DNAJC13: variants seen among roughly 807,000 people sequenced by gnomAD.
DNAJC13 encodes the protein dnaJ homolog subfamily C member 13.
In DNAJC13, 75 loss-of-function variants were observed where a neutral mutation model predicts 290.5. The ratio of observed to expected loss-of-function variants is 0.26; its 90% CI spans 0.21 to 0.31. The LOEUF (loss-of-function observed/expected upper bound fraction) is 0.31, where lower values mean the gene tolerates loss of function less well. DNAJC13 is among the 10% of genes least tolerant of loss of function. The pLI, the probability that DNAJC13 is intolerant of heterozygous loss-of-function variation, is 1.00. For synonymous variants in DNAJC13, 862 were observed against 892.0 expected (o/e 0.97, Z 0.60); for missense variants, 2,260 against 2,674.5 (o/e 0.85, Z 3.42).
At chr3:132,454,749 G>T (rs1374049652) in intron 9 of DNAJC13, among the ~76,000 whole-genome samples, 1 of 151,602 alleles carries the variant, frequency 6.6e-6, no homozygotes, top group Non-Finnish European at 1.5e-5. Context: ...GTTAAGCAAT[G>T]GTTATGTTTT....
chr3:132,485,150 AT>A (rs959955922), intron 29 of DNAJC13, among the ~76,000 whole-genome samples: 4 of 151,016 alleles, frequency 2.6e-5, no homozygotes, highest in Non-Finnish European at 5.9e-5. Flanking sequence ...ATTTTTTTTT[AT>A]TTTTTTGAGA....
chr3:132,421,598 AT>A (rs879378484), intron 1 of DNAJC13, among the ~76,000 whole-genome samples: 3,149 of 143,222 alleles, frequency 0.022, 99 homozygotes, highest in African/African-American at 0.073. Context: ...TGCTGGGCTG[AT>A]TTTTTTTTTT....
At chr3:132,466,453 G>A in intron 19 of DNAJC13, 59 bp downstream of exon 19, 2 of 1,348,680 alleles carry the variant, frequency 1.5e-6, no homozygotes, top group Admixed American at 2.7e-5. Context: ...TTATATATAT[G>A]TCTTTTTTTG....
In DNAJC13 at chr3:132,537,308, T is replaced by C. The variant is rs74732487; in HGVS notation, c.6626-868T>C. 4.6e-3 allele frequency: 2,055 copies of C among 449,452 alleles called. 15 individuals are homozygous for C. Among genetic ancestry groups the C allele is most frequent in the Non-Finnish European group, 7.3e-3 (1,625 of 222,456 alleles). The allele number at this position is 449,452 out of a possible 1,614,324, so 27.8% of individuals were successfully genotyped here. ...CTAAATGCATGCCGCTCCCACTGCC[T>C]TTCTAGTCCTAACCCTCAATGTTCC... On this transcript the variant is annotated intron_variant, in intron 55 of 55. Coordinates refer to ENST00000260818, the MANE Select transcript of DNAJC13 (RefSeq NM_015268.4).
intron 19 of DNAJC13, 34 bp from the exon 20 acceptor site, chr3:132,467,136 C>A: frequency 6.3e-7 from 1 of 1,583,628 alleles, no homozygotes; most frequent in Non-Finnish European, 8.6e-7. Flanking sequence ...AATTTGCAAA[C>A]AGGCATGTAA....
chr3:132,448,469 T>C (rs1933322628), intron 5 of DNAJC13, among the ~76,000 whole-genome samples: 1 of 152,152 alleles, frequency 6.6e-6, no homozygotes, highest in Admixed American at 6.5e-5. Flanking sequence ...TCCCAGGCCT[T>C]TTCCAGTAAT....
At chr3:132,480,536 A>G (rs1934633331) in intron 26 of DNAJC13, 66 bp downstream of exon 26, 1 of 1,178,830 alleles carries the variant, frequency 8.5e-7, no homozygotes, top group South Asian at 1.3e-5. Flanking sequence ...AGGCAAAAGA[A>G]TCATAGAAAT....
intron 55 of DNAJC13, among the ~76,000 whole-genome samples, chr3:132,533,606 G>GT (rs1384610624): frequency 6.6e-6 from 1 of 151,912 alleles, no homozygotes; most frequent in East Asian, 1.9e-4. Context: ...CACCCGCCTG[G>GT]TACTCCCAAA....
chr3:132,450,049 A>G (rs1407822894), intron 5 of DNAJC13, among the ~76,000 whole-genome samples: 1 of 152,164 alleles, frequency 6.6e-6, no homozygotes. Context: ...TTGTGAAGGA[A>G]TATTATCTAA....
chr3:132,423,903 T>A (rs1199976333), intron 1 of DNAJC13, among the ~76,000 whole-genome samples: 1 of 152,204 alleles, frequency 6.6e-6, no homozygotes, highest in Non-Finnish European at 1.5e-5. Context: ...ATATGGCTGC[T>A]AAAAATTTCT....
At chr3:132,434,509 C>T (rs1939327913) in intron 1 of DNAJC13, 29 bp from the exon 2 acceptor site, 2 of 1,498,820 alleles carry the variant, frequency 1.3e-6, no homozygotes, top group Non-Finnish European at 9.2e-7. Context: ...ATAACATGTA[C>T]TAAGTGCCCT....
intron 29 of DNAJC13, among the ~76,000 whole-genome samples, chr3:132,486,082 C>CTT (rs758049804): frequency 0.035 from 1,413 of 40,498 alleles, 296 homozygotes; most frequent in African/African-American, 0.066. Flanking sequence ...ATGCCCTATC[C>CTT]TTTTTTTTTT....
chr3:132,487,578 T>TTTTTTTTTTTTTTTTTTTTTTTTTTTG (rs1283482666), intron 29 of DNAJC13, among the ~76,000 whole-genome samples: 1 of 150,600 alleles, frequency 6.6e-6, no homozygotes, highest in African/African-American at 2.5e-5. Context: ...TTTTTTTTTT[T>TTTTTTTTTTTTTTTTTTTTTTTTTTTG]TACTGGGAGC....
intron 31 of DNAJC13, among the ~76,000 whole-genome samples, chr3:132,489,796 C>T (rs1040071453): frequency 6.6e-6 from 1 of 152,052 alleles, no homozygotes; most frequent in Non-Finnish European, 1.5e-5. Context: ...ATGCCCATGG[C>T]AGCATAATTT....
intron 42 of DNAJC13, among the ~76,000 whole-genome samples, 167 bp from the exon 43 acceptor site, chr3:132,507,070 G>A (rs1282730319): frequency 3.3e-5 from 5 of 152,148 alleles, no homozygotes. Context: ...AAATTATAAT[G>A]TAATTGTATG....
intron 2 of DNAJC13, among the ~76,000 whole-genome samples, chr3:132,441,810 A>G (rs1933078168): frequency 6.6e-6 from 1 of 152,190 alleles, no homozygotes; most frequent in Non-Finnish European, 1.5e-5. Context: ...TAACTTTGAG[A>G]CAGTGACAAG....
At chr3:132,472,850 A>T (rs1293021215) in intron 20 of DNAJC13, among the ~76,000 whole-genome samples, 2 of 152,244 alleles carry the variant, frequency 1.3e-5, no homozygotes, top group Non-Finnish European at 1.5e-5. Context: ...TGACTATTTT[A>T]AATTTTATTA....
intron 2 of DNAJC13, among the ~76,000 whole-genome samples, chr3:132,445,807 T>G (rs1933228364): frequency 6.6e-6 from 1 of 152,128 alleles, no homozygotes; most frequent in Non-Finnish European, 1.5e-5. Flanking sequence ...TTGCTTTAAA[T>G]AAGTTTTTCT....
intron 1 of DNAJC13, among the ~76,000 whole-genome samples, chr3:132,421,682 C>G (rs772242545): frequency 1.3e-5 from 2 of 151,592 alleles, no homozygotes; most frequent in Non-Finnish European, 2.9e-5. Flanking sequence ...TCAAGTGATC[C>G]ACCCACCCAG....
Sources: allele counts gnomAD v4.1 joint callset (sites outside exome capture counted in the v4.1 genomes callset), GRCh38; gene constraint gnomAD v4.1.1; transcripts MANE v1.5; gene names NCBI Gene and HGNC (gene_info 2026-07-23, HGNC 2026-07-21).